Variants in MGLL observed in about 807,000 individuals in gnomAD.
MGLL encodes lysophospholipase homolog.
MGLL carries 7 observed loss-of-function variants against 29.1 expected under a neutral mutation model. The observed-to-expected ratio is 0.24, with a 90% CI of 0.14 to 0.45. MGLL has a LOEUF of 0.45. Among genes scored for constraint, MGLL ranks in the 20% least tolerant of loss-of-function variants. The pLI is 0.99. For missense variants in MGLL, 356 were observed against 413.6 expected (o/e 0.86, Z 1.21); for synonymous variants, 148 against 168.3 (o/e 0.88, Z 0.93).
At chr3:127,725,093 C>A (rs2076006498) in intron 3 of MGLL, among the ~76,000 whole-genome samples, 1 of 151,928 alleles carries the variant, frequency 6.6e-6, no homozygotes, top group African/African-American at 2.4e-5. Flanking sequence ...TCTCTCCAGC[C>A]CTGGAGGCTC....
chr3:127,710,734 A>C, intron 5 of MGLL, 69 bp from the exon 6 acceptor site: 1 of 1,317,294 alleles, frequency 7.6e-7, no homozygotes, highest in Non-Finnish European at 1.1e-6. Flanking sequence ...CCGCAGTGAC[A>C]GTTTACAGTA....
chr3:127,815,109 T>G (rs190171709), intron 2 of MGLL, among the ~76,000 whole-genome samples: 1 of 152,354 alleles, frequency 6.6e-6, no homozygotes, highest in Admixed American at 6.5e-5. Flanking sequence ...CTTCCTTACC[T>G]TCAGCAGAGT....
At chr3:127,792,706 GAA>G (rs61357582) in intron 2 of MGLL, among the ~76,000 whole-genome samples, 1 of 141,058 alleles carries the variant, frequency 7.1e-6, no homozygotes, top group African/African-American at 2.6e-5. Context: ...TGTCTCAAAA[GAA>G]AAAAAAAAAA....
chr3:127,721,305 A>G (rs1484550323), intron 4 of MGLL, 142 bp from the exon 5 acceptor site: 5 of 672,744 alleles, frequency 7.4e-6, no homozygotes, highest in African/African-American at 1.8e-5. Flanking sequence ...AGGCACCATC[A>G]AATGTTGGCT....
In MGLL at chr3:127,697,738, GC is replaced by G. The variant is rs2075399062; in HGVS notation, c.601-2549del. 2.0e-5 allele frequency among the ~76,000 whole-genome samples: 3 copies of G among 152,192 alleles called. No individual in the cohort carries two copies. In the South Asian group the frequency reaches 6.2e-4, roughly 32 times the overall value. The stretch of plus-strand genomic sequence containing the variant: ...AGTCAGGGCCGTGTGGACAAGGTTC[GC>G]CCCTGGAAGCTAGAGCAACAAGATG... On this transcript the variant is annotated intron_variant, in intron 6 of 7. Coordinates refer to ENST00000265052, the MANE Select transcript of MGLL (RefSeq NM_007283.7).
At chr3:127,819,839 C>A (rs2077826835) in intron 2 of MGLL, among the ~76,000 whole-genome samples, 1 of 152,034 alleles carries the variant, frequency 6.6e-6, no homozygotes, top group South Asian at 2.1e-4. Context: ...TGCCCTGAGC[C>A]CCCACCCTAG....
rs576445908 is a variant in MGLL, at chr3:127,737,706, G to A, written c.263-15140C>T. Among the ~76,000 whole-genome samples, 16 of 131,678 alleles carry A rather than the reference G, an allele frequency of 1.2e-4. No individual in the cohort carries two copies. The South Asian group carries it at 3.1e-3, about 26-fold the overall frequency. The allele number at this position is 131,678 out of a possible 152,430, so 86.4% of individuals were successfully genotyped here. ...CTTGCCCAGGCTGGAGTGCAATGGC[G>A]CAATCTTGGCTCACTGCAACCTCCA... On this transcript the variant is annotated intron_variant, in intron 3 of 7. Transcript: ENST00000265052.
chr3:127,718,943 C>T (rs577849525), intron 5 of MGLL, among the ~76,000 whole-genome samples: 5 of 152,256 alleles, frequency 3.3e-5, no homozygotes, highest in East Asian at 1.9e-4. Context: ...GCAGGGTGGA[C>T]GAATGCATCA....
At chr3:127,819,918 G>C (rs2077829061) in intron 2 of MGLL, among the ~76,000 whole-genome samples, 1 of 152,076 alleles carries the variant, frequency 6.6e-6, no homozygotes. Flanking sequence ...GGGCCTCCAG[G>C]ACCTCTGCAT....
chr3:127,820,785 G>A (rs898325472), intron 2 of MGLL, among the ~76,000 whole-genome samples: 2 of 152,218 alleles, frequency 1.3e-5, no homozygotes, highest in Admixed American at 6.5e-5. Context: ...AGTCTGTGTA[G>A]CTGCCCTGAA....
chr3:127,709,385 T>A (rs1037452158), intron 6 of MGLL, among the ~76,000 whole-genome samples: 4 of 152,180 alleles, frequency 2.6e-5, no homozygotes, highest in Non-Finnish European at 4.4e-5. Context: ...CTAGAATCTC[T>A]CACCAGTCTG....
intron 3 of MGLL, among the ~76,000 whole-genome samples, chr3:127,765,467 C>T (rs1227682244): frequency 5.3e-5 from 8 of 152,236 alleles, no homozygotes; most frequent in Non-Finnish European, 7.3e-5. Context: ...GTCCATTTGG[C>T]TTCCAAAGCC....
At chr3:127,774,101 C>T (rs1382477537) in intron 3 of MGLL, among the ~76,000 whole-genome samples, 1 of 152,236 alleles carries the variant, frequency 6.6e-6, no homozygotes, top group Non-Finnish European at 1.5e-5. Flanking sequence ...TCTGTTCCTC[C>T]TCCTTGGGCC....
intron 6 of MGLL, among the ~76,000 whole-genome samples, chr3:127,699,331 G>A (rs985249918): frequency 3.4e-5 from 5 of 145,936 alleles, no homozygotes; most frequent in Admixed American, 1.4e-4. Context: ...CACAACCCCT[G>A]CAGTCAAATC....
intron 3 of MGLL, among the ~76,000 whole-genome samples, chr3:127,753,516 C>T (rs1335839021): frequency 2.6e-5 from 4 of 152,334 alleles, no homozygotes; most frequent in Admixed American, 6.5e-5. Context: ...ATTCTACCAG[C>T]GTTTGCTGAG....
At chr3:127,710,871 C>T (rs193196637) in intron 5 of MGLL, 20 of 602,522 alleles carry the variant, frequency 3.3e-5, no homozygotes, top group Admixed American at 3.0e-4. Flanking sequence ...CTCTGCTCCA[C>T]CTTGGGGGAG....
intron 3 of MGLL, among the ~76,000 whole-genome samples, chr3:127,748,377 G>T (rs2107665294): frequency 6.6e-6 from 1 of 151,718 alleles, no homozygotes; most frequent in Admixed American, 6.6e-5. Flanking sequence ...AGGTGGGAGA[G>T]GGAGGAGGGA....
At chr3:127,783,410 T>C (rs2077163056) in intron 2 of MGLL, among the ~76,000 whole-genome samples, 1 of 152,134 alleles carries the variant, frequency 6.6e-6, no homozygotes, top group African/African-American at 2.4e-5. Context: ...GGTTCTCTAG[T>C]TGCCTGCCTG....
intron 3 of MGLL, among the ~76,000 whole-genome samples, chr3:127,724,382 G>C (rs1046322756): frequency 6.6e-6 from 1 of 152,220 alleles, no homozygotes; most frequent in African/African-American, 2.4e-5. Context: ...GTAGTCGTGT[G>C]TGTCAGAATT....
Sources: gnomAD v4.1 joint callset for allele counts (sites outside exome capture counted in the v4.1 genomes callset) on GRCh38, gnomAD v4.1.1 for gene constraint, MANE v1.5 for transcripts, NCBI Gene and HGNC (gene_info 2026-07-23, HGNC 2026-07-21) for gene names.